The following CELF4 variants were observed in gnomAD, a reference collection of about 807,000 sequenced individuals.
The protein encoded by CELF4 is CUGBP Elav-like family member 4, also known as CUG-BP- and ETR-3-like factor 4.
CELF4 carries 18 observed loss-of-function variants against 59.9 expected under a neutral mutation model. The observed-to-expected ratio is 0.30, with a 90% confidence interval of 0.21 to 0.45. The LOEUF is 0.45. Among genes scored for constraint, CELF4 ranks in the 20% least tolerant of loss-of-function variants. The probability of loss-of-function intolerance (pLI) is 1.00; values close to 1 mark genes in which losing one functional copy is unlikely to be tolerated. For missense variants in CELF4, 456 were observed against 689.0 expected, an observed-to-expected ratio of 0.66 and a Z score of 3.79; for synonymous variants, 261 against 267.1, an observed-to-expected ratio of 0.98 and a Z score of 0.22.
intron 2 of CELF4, among the ~76,000 whole-genome samples, chr18:37,481,949 C>T (rs1322938468): frequency 2.0e-5 from 3 of 152,190 alleles, no homozygotes; most frequent in Non-Finnish European, 2.9e-5. Flanking sequence ...TTCTTCATAG[C>T]GTAGTTTTGA....
chr18:37,284,557 G>A (rs1304162453), intron 3 of CELF4, among the ~76,000 whole-genome samples: 3 of 152,098 alleles, frequency 2.0e-5, no homozygotes, highest in Admixed American at 6.5e-5. Context: ...GGCCCTACAT[G>A]ACAAGAGCCT....
intron 2 of CELF4, among the ~76,000 whole-genome samples, chr18:37,454,183 G>A (rs1277225187): frequency 1.3e-5 from 2 of 152,228 alleles, no homozygotes; most frequent in African/African-American, 4.8e-5. Flanking sequence ...GCACTGGGAA[G>A]CAGAAAAGCA....
At chr18:37,391,587 C>G (rs573138049) in intron 2 of CELF4, among the ~76,000 whole-genome samples, 215 of 152,372 alleles carry the variant, frequency 1.4e-3, no homozygotes, top group Non-Finnish European at 2.8e-3. Flanking sequence ...CTATCTCCCC[C>G]ATCAGACCAT....
intron 3 of CELF4, among the ~76,000 whole-genome samples, chr18:37,299,372 G>T (rs964244298): frequency 6.6e-6 from 1 of 152,180 alleles, no homozygotes; most frequent in Admixed American, 6.5e-5. Flanking sequence ...GGAGGAAAAA[G>T]GGATGGCCAG....
At chr18:37,383,613 C>T (rs566110444) in intron 2 of CELF4, among the ~76,000 whole-genome samples, 15 of 152,218 alleles carry the variant, frequency 9.9e-5, no homozygotes, top group Admixed American at 3.9e-4. Context: ...TCCTCCCATG[C>T]CAAATGCCAT....
chr18:37,445,587 C>G (rs1462411189), intron 2 of CELF4, among the ~76,000 whole-genome samples: 1 of 151,744 alleles, frequency 6.6e-6, no homozygotes, highest in Non-Finnish European at 1.5e-5. Flanking sequence ...GAGGGGGGAG[C>G]AGGGAGAGAG....
chr18:37,548,087 G>A (rs1025104572), intron 1 of CELF4, among the ~76,000 whole-genome samples: 6 of 152,094 alleles, frequency 3.9e-5, no homozygotes, highest in African/African-American at 1.4e-4. Context: ...GTATCTGTAT[G>A]AGGGTGTGTC....
chr18:37,561,048 T>A (rs2099986380), intron 1 of CELF4, among the ~76,000 whole-genome samples: 1 of 152,268 alleles, frequency 6.6e-6, no homozygotes, highest in Admixed American at 6.5e-5. Flanking sequence ...CATGTGGTGG[T>A]GAGTATATTT....
At chr18:37,500,679 A>G (rs1354567251) in intron 1 of CELF4, among the ~76,000 whole-genome samples, 3 of 151,612 alleles carry the variant, frequency 2.0e-5, no homozygotes, top group Non-Finnish European at 4.4e-5. Flanking sequence ...GACTACAGGC[A>G]CCTGCCACCA....
chr18:37,540,473 G>A (rs61330539), intron 1 of CELF4, among the ~76,000 whole-genome samples: 8,611 of 152,280 alleles, frequency 0.057, 750 homozygotes, highest in African/African-American at 0.19. Flanking sequence ...TCCCTTCTAG[G>A]GGTTCAGAGA....
At chr18:37,296,399 T>C (rs1232694442) in intron 3 of CELF4, among the ~76,000 whole-genome samples, 1 of 152,220 alleles carries the variant, frequency 6.6e-6, no homozygotes, top group Non-Finnish European at 1.5e-5. Flanking sequence ...TTTTGCCATG[T>C]TGCCCCGGCT....
chr18:37,388,063 G>T (rs144073061), intron 2 of CELF4, among the ~76,000 whole-genome samples: 2 of 152,018 alleles, frequency 1.3e-5, no homozygotes, highest in African/African-American at 2.4e-5. Context: ...AGTTGGGGGA[G>T]GGGGGAGGGT....
chr18:37,391,597 T>C (rs1209458407), intron 2 of CELF4, among the ~76,000 whole-genome samples: 2 of 152,238 alleles, frequency 1.3e-5, no homozygotes, highest in Non-Finnish European at 2.9e-5. Context: ...CATCAGACCA[T>C]GCCTTCCCTT....
chr18:37,464,850 A>T (rs2099803629), intron 2 of CELF4, among the ~76,000 whole-genome samples: 1 of 152,200 alleles, frequency 6.6e-6, no homozygotes, highest in Non-Finnish European at 1.5e-5. Context: ...GAAAGGAGAC[A>T]GAGGAAGAAA....
chr18:37,307,084 G>A (rs2154478406), intron 3 of CELF4, among the ~76,000 whole-genome samples: 1 of 152,074 alleles, frequency 6.6e-6, no homozygotes, highest in East Asian at 2.0e-4. Context: ...TTCCCCAGGA[G>A]CGGTGAGGGA....
At chr18:37,456,334 CTTG>C (rs1457218278) in intron 2 of CELF4, among the ~76,000 whole-genome samples, 1 of 152,086 alleles carries the variant, frequency 6.6e-6, no homozygotes, top group African/African-American at 2.4e-5. Context: ...GTAGTGCTGG[CTTG>C]TTGAGACCCT....
chr18:37,429,296 GCAT>G (rs2099633462), intron 2 of CELF4, among the ~76,000 whole-genome samples: 2 of 152,272 alleles, frequency 1.3e-5, no homozygotes, highest in Admixed American at 1.3e-4. Context: ...CTGGGAAGGT[GCAT>G]GTGTAAGTCT....
chr18:37,371,661 C>T (rs543148197), intron 2 of CELF4, among the ~76,000 whole-genome samples: 14 of 152,320 alleles, frequency 9.2e-5, no homozygotes, highest in Admixed American at 2.6e-4. Context: ...ATGGTCTTGC[C>T]ACCAGGAGCT....
At chr18:37,474,443 G>A (rs1288094159) in intron 2 of CELF4, among the ~76,000 whole-genome samples, 3 of 152,218 alleles carry the variant, frequency 2.0e-5, no homozygotes, top group Non-Finnish European at 4.4e-5. Context: ...CCTGGTGTGT[G>A]GCCTTGGGGT....
Sources: allele counts gnomAD v4.1 joint callset (sites outside exome capture counted in the v4.1 genomes callset), GRCh38; gene constraint gnomAD v4.1.1; transcripts MANE v1.5; gene names NCBI Gene and HGNC (gene_info 2026-07-23, HGNC 2026-07-21).